Variants in DCDC2C observed in about 807,000 individuals in gnomAD.
The protein encoded by DCDC2C is doublecortin domain-containing protein 2C.
DCDC2C carries 44 observed loss-of-function variants against 45.0 expected under a neutral mutation model. The ratio of observed to expected loss-of-function variants is 0.98; its 90% CI spans 0.77 to 1.26. DCDC2C has a LOEUF of 1.26. Among genes scored for constraint, DCDC2C ranks in the 50% most tolerant of loss-of-function variants. The pLI is 0.00. For synonymous variants in DCDC2C, 187 were observed against 178.8 expected, an observed-to-expected ratio of 1.05 and a Z score of -0.37; for missense variants, 447 against 468.9, an observed-to-expected ratio of 0.95 and a Z score of 0.43.
rs982544034 is a variant in DCDC2C, at chr2:3,796,164, CTGTT to C, written c.1065+11068_1065+11071del. 1.6e-3 allele frequency among the ~76,000 whole-genome samples: 168 copies of C among 106,384 alleles called. 1 individual carries two copies. Among genetic ancestry groups the C allele is most frequent in the African/African-American group, 6.7e-3 (163 of 24,280 alleles). 69.8% of individuals were successfully genotyped at this position (106,384 alleles called of 152,430 possible). A position where few individuals can be genotyped will look rare whatever the true frequency, so the allele number is the denominator to read the frequency against. Reference sequence around the variant, plus strand: ...GGGAGTTCACTGATGATTTGGCTCTCTGTTTGTCTGTTGTTGGTGTATAAGAATA... The same window carrying C: ...GGGAGTTCACTGATGATTTGGCTCTCTGTCTGTTGTTGGTGTATAAGAATA... On this transcript the variant is annotated intron_variant, in intron 10 of 10. Transcript: ENST00000399143.
intron 10 of DCDC2C, among the ~76,000 whole-genome samples, chr2:3,787,889 A>G (rs1670695532): frequency 6.6e-6 from 1 of 152,250 alleles, no homozygotes; most frequent in African/African-American, 2.4e-5. Flanking sequence ...GATATTTTCA[A>G]CATTTTAGGT....
chr2:3,756,424 T>C (rs1485013172), intron 6 of DCDC2C, among the ~76,000 whole-genome samples: 1 of 152,248 alleles, frequency 6.6e-6, no homozygotes, highest in African/African-American at 2.4e-5. Context: ...TCTTTCCCAG[T>C]AACTAACAGA....
chr2:3,766,455 A>G (rs12614698), intron 6 of DCDC2C, among the ~76,000 whole-genome samples: 15,488 of 152,218 alleles, frequency 0.1, 1,110 homozygotes, highest in East Asian at 0.32. Flanking sequence ...TACAAGCACC[A>G]TATACCATTT....
At chr2:3,846,468 T>G (rs112360032) in intron 10 of DCDC2C, among the ~76,000 whole-genome samples, 2 of 150,470 alleles carry the variant, frequency 1.3e-5, no homozygotes, top group African/African-American at 5.0e-5. Flanking sequence ...TGCCCAGGCT[T>G]CTTCTTTTAT....
intron 10 of DCDC2C, among the ~76,000 whole-genome samples, chr2:3,837,563 T>A (rs1157392181): frequency 6.6e-6 from 1 of 152,096 alleles, no homozygotes; most frequent in African/African-American, 2.4e-5. Flanking sequence ...TGGGTTCTTT[T>A]TGAGGAGTTG....
intron 10 of DCDC2C, among the ~76,000 whole-genome samples, chr2:3,846,412 G>A (rs1053293758): frequency 6.6e-6 from 1 of 152,062 alleles, no homozygotes; most frequent in African/African-American, 2.4e-5. Context: ...GAGCCACCAC[G>A]TCTGGCTACT....
At chr2:3,845,007 A>G (rs936084931) in intron 10 of DCDC2C, among the ~76,000 whole-genome samples, 21 of 152,212 alleles carry the variant, frequency 1.4e-4, no homozygotes, top group African/African-American at 4.8e-4. Context: ...ATCTATGTAC[A>G]TGCATTTGCC....
chr2:3,835,592 G>A (rs1363394543), intron 10 of DCDC2C, among the ~76,000 whole-genome samples: 2 of 152,190 alleles, frequency 1.3e-5, no homozygotes, highest in Admixed American at 6.5e-5. Flanking sequence ...GAATATTTGA[G>A]TTTCTACTTG....
At chr2:3,728,859 G>A (rs1209637947) in intron 3 of DCDC2C, among the ~76,000 whole-genome samples, 1 of 152,198 alleles carries the variant, frequency 6.6e-6, no homozygotes, top group Non-Finnish European at 1.5e-5. Context: ...GCCAGATGCT[G>A]GAGAGAGAGC....
intron 10 of DCDC2C, among the ~76,000 whole-genome samples, chr2:3,809,199 A>G (rs1311113297): frequency 6.6e-6 from 1 of 152,116 alleles, no homozygotes; most frequent in Non-Finnish European, 1.5e-5. Context: ...CCTTTTCAAC[A>G]TTGTTTTGAG....
chr2:3,827,009 C>A (rs1008806220), intron 10 of DCDC2C, among the ~76,000 whole-genome samples: 1 of 151,840 alleles, frequency 6.6e-6, no homozygotes, highest in African/African-American at 2.4e-5. Flanking sequence ...TGTGTGAGGA[C>A]CTGAATGTTC....
intron 10 of DCDC2C, among the ~76,000 whole-genome samples, chr2:3,841,303 C>T (rs116741299): frequency 0.013 from 1,920 of 145,658 alleles, 36 homozygotes; most frequent in African/African-American, 0.047. Flanking sequence ...CGGCAAGGAA[C>T]GTCTCGTAGA....
intron 10 of DCDC2C, among the ~76,000 whole-genome samples, chr2:3,833,106 C>G (rs553832851): frequency 6.6e-6 from 1 of 152,358 alleles, no homozygotes; most frequent in Admixed American, 6.5e-5. Context: ...TCTTCAAAGG[C>G]AGTAACCCTG....
chr2:3,771,939 T>C (rs2148159562), intron 8 of DCDC2C, among the ~76,000 whole-genome samples: 2 of 152,374 alleles, frequency 1.3e-5, no homozygotes, highest in Middle Eastern at 6.8e-3. Flanking sequence ...TATTATGCCT[T>C]CATGGTGCTG....
intron 2 of DCDC2C, among the ~76,000 whole-genome samples, chr2:3,715,189 T>A (rs796892903): frequency 1.1e-3 from 161 of 152,318 alleles, no homozygotes; most frequent in African/African-American, 3.8e-3. Flanking sequence ...TGTCAAGCAA[T>A]ATATTCCTGT....
At position 3,813,057 on chromosome 2, in the gene DCDC2C, ATATATATATATTTT is replaced by A. The variant is rs1181926364; in HGVS notation, c.1065+27959_1065+27972del. Among the ~76,000 whole-genome samples the A allele has an allele frequency of 5.7e-3, 569 of 100,196 alleles. 21 individuals are homozygous for A. Among genetic ancestry groups the A allele is most frequent in the African/African-American group, 0.028 (547 of 19,866 alleles). The allele number at this position is 100,196 out of a possible 152,430, so 65.7% of individuals were successfully genotyped here. Reference sequence around the variant, plus strand: ...GAAGAACGTATATATATATATATATATATATATATATTTTTTTTTTTTTGCTGTTTTTGAGATGG... The same window carrying A: ...GAAGAACGTATATATATATATATATATTTTTTTTTGCTGTTTTTGAGATGG... On this transcript the variant is annotated intron_variant, in intron 10 of 10. Transcript: ENST00000399143.
At chr2:3,794,051 A>G (rs2148193311) in intron 10 of DCDC2C, among the ~76,000 whole-genome samples, 1 of 152,380 alleles carries the variant, frequency 6.6e-6, no homozygotes, top group East Asian at 1.9e-4. Context: ...GTGGAATCAG[A>G]ACCCATATCA....
chr2:3,729,112 G>C (rs574493540), intron 3 of DCDC2C, among the ~76,000 whole-genome samples: 1 of 152,356 alleles, frequency 6.6e-6, no homozygotes, highest in African/African-American at 2.4e-5. Flanking sequence ...CAGTGAATGA[G>C]CCTTGGGAGA....
At chr2:3,782,887 C>T (rs574271865) in intron 9 of DCDC2C, among the ~76,000 whole-genome samples, 1 of 152,284 alleles carries the variant, frequency 6.6e-6, no homozygotes, top group East Asian at 1.9e-4. Context: ...TAAAGCAATG[C>T]GTAATGGTTT....
Sources: gnomAD v4.1 joint callset for allele counts (sites outside exome capture counted in the v4.1 genomes callset) on GRCh38, gnomAD v4.1.1 for gene constraint, MANE v1.5 for transcripts, NCBI Gene and HGNC (gene_info 2026-07-23, HGNC 2026-07-21) for gene names.